PTPRG: variants seen among roughly 807,000 people sequenced by gnomAD.
PTPRG encodes protein tyrosine phosphatase receptor type G.
A neutral mutation model predicts 165.3 loss-of-function variants in PTPRG; 102 were observed. The ratio of observed to expected loss-of-function variants is 0.62; its 90% confidence interval spans 0.53 to 0.73. The LOEUF is 0.73. PTPRG is among the 30% of genes least tolerant of loss of function. PTPRG has a pLI of 0.00. For missense variants in PTPRG, 1,866 were observed against 1,861.4 expected (o/e 1.00, Z -0.05); for synonymous variants, 675 against 669.5 (o/e 1.01, Z -0.13).
At chr3:61,577,063 C>A (rs1461968256) in intron 1 of PTPRG, among the ~76,000 whole-genome samples, 1 of 152,052 alleles carries the variant, frequency 6.6e-6, no homozygotes, top group Non-Finnish European at 1.5e-5. Context: ...GGATCTTTTC[C>A]CTCTGTTGTT....
intron 5 of PTPRG, among the ~76,000 whole-genome samples, chr3:62,116,488 A>T (rs1457949059): frequency 6.6e-6 from 1 of 152,244 alleles, no homozygotes; most frequent in Non-Finnish European, 1.5e-5. Flanking sequence ...TATTCTCTAC[A>T]GTAATAAAAA....
chr3:61,566,876 A>T (rs1326935463), intron 1 of PTPRG, among the ~76,000 whole-genome samples: 1 of 152,226 alleles, frequency 6.6e-6, no homozygotes, highest in Non-Finnish European at 1.5e-5. Flanking sequence ...ATGTGGGACA[A>T]TGAAATGCCA....
At chr3:61,817,864 A>G (rs2035835287) in intron 2 of PTPRG, among the ~76,000 whole-genome samples, 1 of 152,148 alleles carries the variant, frequency 6.6e-6, no homozygotes, top group African/African-American at 2.4e-5. Flanking sequence ...CCAAACTAAT[A>G]ACCTGAATCT....
At chr3:61,622,253 T>C (rs1389842468) in intron 1 of PTPRG, among the ~76,000 whole-genome samples, 3 of 150,706 alleles carry the variant, frequency 2.0e-5, no homozygotes, top group Non-Finnish European at 4.5e-5. Context: ...AAAGACATTT[T>C]TGTGTTTAAG....
At chr3:61,731,950 CACT>C (rs1489784274) in intron 1 of PTPRG, among the ~76,000 whole-genome samples, 1 of 151,906 alleles carries the variant, frequency 6.6e-6, no homozygotes. Flanking sequence ...TACAGGCGCC[CACT>C]ACCATGTCCA....
intron 5 of PTPRG, among the ~76,000 whole-genome samples, chr3:62,090,495 C>A (rs1245693878): frequency 6.6e-6 from 1 of 152,106 alleles, no homozygotes; most frequent in Non-Finnish European, 1.5e-5. Context: ...CCCCCGCTGC[C>A]CTTTTTAATG....
chr3:62,273,011 A>G lies in PTPRG; in HGVS notation c.3248A>G (p.Lys1083Arg). The G allele has an allele frequency of 6.2e-7, 1 of 1,613,874 alleles. No homozygotes were observed. The highest frequency in any genetic ancestry group is 8.5e-7 in the Non-Finnish European group (1 of 1,179,858). Residue 1083 changes from lysine to arginine, a missense_variant, in exon 22 of 30, where the codon AAA becomes AGA. Lys to Arg is a conservative substitution (Grantham distance 26). Around this residue, in one of 3 missense-constraint regions of PTPRG, gnomAD observed 1,452 missense variants for 1,463.0 expected, o/e 0.99. Coordinates refer to ENST00000474889, the MANE Select transcript of PTPRG (RefSeq NM_002841.4). The surrounding 1 kb of genome is among the most constrained non-coding windows in gnomAD (Gnocchi z 4.1). ...AGCATGCTGCAACAGATAAAAGACA[A>G]AAGCACAGTTAACGTCCTGGGATTC... ...IDSMLQQIKDKSTVNVLGFLK... is the reference protein window; with the variant it reads ...IDSMLQQIKDRSTVNVLGFLK...
chr3:61,769,469 C>T (rs763158682), intron 2 of PTPRG: 2 of 152,230 alleles, frequency 1.3e-5, no homozygotes, highest in Admixed American at 6.6e-5. Context: ...GATGGAGTCT[C>T]ACTGTGTTGC....
intron 4 of PTPRG, among the ~76,000 whole-genome samples, chr3:62,015,505 A>G (rs1185878011): frequency 6.6e-6 from 1 of 152,204 alleles, no homozygotes; most frequent in Non-Finnish European, 1.5e-5. Flanking sequence ...TTTATTTTAA[A>G]CAAAAAAAAT....
chr3:62,017,892 C>T (rs1025888750), intron 4 of PTPRG, among the ~76,000 whole-genome samples: 1 of 152,076 alleles, frequency 6.6e-6, no homozygotes, highest in Non-Finnish European at 1.5e-5. Flanking sequence ...AAAAGGTGTG[C>T]CTTTGGGAAT....
At chr3:62,014,294 C>T (rs1436820747) in intron 4 of PTPRG, among the ~76,000 whole-genome samples, 1 of 152,114 alleles carries the variant, frequency 6.6e-6, no homozygotes, top group South Asian at 2.1e-4. Context: ...TGGCCTGGCG[C>T]TGTATTGAGC....
chr3:61,729,137 A>T (rs773126696), intron 1 of PTPRG, among the ~76,000 whole-genome samples: 4 of 152,136 alleles, frequency 2.6e-5, no homozygotes, highest in Non-Finnish European at 5.9e-5. Flanking sequence ...TTACAGAATT[A>T]AATACAGGAG....
chr3:62,003,634 C>T, intron 4 of PTPRG, 137 bp downstream of exon 4: 2 of 1,109,904 alleles, frequency 1.8e-6, no homozygotes, highest in East Asian at 2.6e-5. Flanking sequence ...AACCCTTTAT[C>T]CATAGTATGG....
At chr3:61,610,731 T>TTGCCTTCC (rs1701139465) in intron 1 of PTPRG, among the ~76,000 whole-genome samples, 1 of 139,066 alleles carries the variant, frequency 7.2e-6, no homozygotes, top group African/African-American at 2.9e-5. Flanking sequence ...TATTCTCTCA[T>TTGCCTTCC]TGCCTTCCTG....
At chr3:61,682,682 C>G (rs1300436816) in intron 1 of PTPRG, among the ~76,000 whole-genome samples, 1 of 152,172 alleles carries the variant, frequency 6.6e-6, no homozygotes, top group East Asian at 1.9e-4. Flanking sequence ...AAAGAACTTC[C>G]TTGCCCAGCT....
chr3:62,096,403 T>G (rs1185256346), intron 5 of PTPRG, among the ~76,000 whole-genome samples: 2 of 152,204 alleles, frequency 1.3e-5, no homozygotes, highest in Non-Finnish European at 2.9e-5. Flanking sequence ...TTGCTGCTTT[T>G]CTCATTTGAT....
At chr3:61,834,225 T>C (rs1220131597) in intron 2 of PTPRG, among the ~76,000 whole-genome samples, 1 of 152,218 alleles carries the variant, frequency 6.6e-6, no homozygotes, top group Non-Finnish European at 1.5e-5. Context: ...TTGCAACTGT[T>C]AGATGGAGCT....
intron 1 of PTPRG, among the ~76,000 whole-genome samples, chr3:61,652,498 T>G (rs1702382705): frequency 6.6e-6 from 1 of 152,168 alleles, no homozygotes; most frequent in South Asian, 2.1e-4. Flanking sequence ...AGCTCTTTCT[T>G]TGGGTCATGG....
chr3:61,726,422 T>C (rs2032258382), intron 1 of PTPRG, among the ~76,000 whole-genome samples: 1 of 152,162 alleles, frequency 6.6e-6, no homozygotes, highest in South Asian at 2.1e-4. Flanking sequence ...TTGAGGGAAA[T>C]ATAATATCAA....
Sources: allele counts gnomAD v4.1 joint callset (sites outside exome capture counted in the v4.1 genomes callset), GRCh38; gene constraint gnomAD v4.1.1; regional missense constraint gnomAD v4.1.1; non-coding constraint Gnocchi (gnomAD v3.1); transcripts MANE v1.5; gene names NCBI Gene and HGNC (gene_info 2026-07-23, HGNC 2026-07-21).